The following SPECC1 variants were observed in gnomAD, a reference collection of about 807,000 sequenced individuals.
SPECC1 encodes cytospin-B.
A neutral mutation model predicts 104.1 loss-of-function variants in SPECC1; 62 were observed. That is an observed-to-expected ratio of 0.60 (90% CI 0.49 to 0.74). SPECC1 has a LOEUF of 0.74. Among genes scored for constraint, SPECC1 ranks in the 30% least tolerant of loss-of-function variants. The pLI, the probability that SPECC1 is intolerant of heterozygous loss-of-function variation, is 0.00. For synonymous variants in SPECC1, 513 were observed against 501.6 expected (o/e 1.02, Z -0.30); for missense variants, 1,306 against 1,310.5 (o/e 1.00, Z 0.05).
chr17:20,171,382 C>T (rs1366873355), intron 3 of SPECC1, among the ~76,000 whole-genome samples: 1 of 152,084 alleles, frequency 6.6e-6, no homozygotes. Context: ...CAAGAGATAC[C>T]AGTAATCAGA....
At chr17:20,206,605 C>T (rs892555827) in intron 4 of SPECC1, among the ~76,000 whole-genome samples, 1 of 151,720 alleles carries the variant, frequency 6.6e-6, no homozygotes, top group Non-Finnish European at 1.5e-5. Context: ...TCATATTTAC[C>T]CTGTTGTTGA....
chr17:20,178,182 G>A (rs1046101752), intron 3 of SPECC1, among the ~76,000 whole-genome samples: 1 of 152,078 alleles, frequency 6.6e-6, no homozygotes, highest in Admixed American at 6.5e-5. Flanking sequence ...CACCACTCCC[G>A]ACTCCTCTCT....
At position 20,314,277 on chromosome 17, in the gene SPECC1, G is replaced by A; in HGVS notation, c.*212G>A. The A allele has an allele frequency of 1.0e-5, 6 of 585,180 alleles. No individual in the cohort carries two copies. The highest frequency in any genetic ancestry group is 5.8e-5 in the South Asian group (3 of 51,588). The allele number at this position is 585,180 out of a possible 1,614,324, so 36.2% of individuals were successfully genotyped here. A position where few individuals can be genotyped will look rare whatever the true frequency, so the allele number is the denominator to read the frequency against. ...TGCAAATGCAGCTGGACTGTAAATT[G>A]GGGACTCTTTGATCTCTTGTGGGAT... On this transcript the variant is annotated 3_prime_UTR_variant, in exon 15 of 15. Transcript: ENST00000395527.
intron 1 of SPECC1, among the ~76,000 whole-genome samples, chr17:20,071,063 CA>C (rs1228415720): frequency 6.6e-6 from 1 of 152,050 alleles, no homozygotes; most frequent in African/African-American, 2.4e-5. Flanking sequence ...CTGTGTTGCC[CA>C]GGCTGGAGTT....
At chr17:20,229,962 A>T (rs1389602627) in intron 5 of SPECC1, among the ~76,000 whole-genome samples, 1 of 152,224 alleles carries the variant, frequency 6.6e-6, no homozygotes, top group Non-Finnish European at 1.5e-5. Flanking sequence ...AAAAGGCCAT[A>T]AAGTGTGAGA....
Position 20,260,248 on chromosome 17 carries a change from G to GCAAT in SPECC1, c.2895_2898dup (p.Ala967GlnfsTer18). 1 of 1,613,994 alleles carries GCAAT rather than the reference G, an allele frequency of 6.2e-7. No individual in the cohort carries two copies. Among genetic ancestry groups the GCAAT allele is most frequent in the Non-Finnish European group, 8.5e-7 (1 of 1,179,918 alleles). On this transcript the variant is annotated frameshift_variant, in exon 12 of 15. Transcript: ENST00000395527. LOFTEE classifies it high-confidence loss of function. ...GCCCGGGAATACGGTGGTTCCAAGC[G>GCAAT]CAATGCTCTACTGAAATGGTGCCAG...
chr17:20,268,405 A>G (rs530365992), intron 12 of SPECC1, among the ~76,000 whole-genome samples: 1 of 152,352 alleles, frequency 6.6e-6, no homozygotes, highest in South Asian at 2.1e-4. Context: ...GTTCCCACAA[A>G]CAAGCACTAA....
intron 14 of SPECC1, among the ~76,000 whole-genome samples, 167 bp from the exon 15 acceptor site, chr17:20,313,809 C>T (rs7209889): frequency 0.071 from 10,821 of 152,236 alleles, 553 homozygotes; most frequent in African/African-American, 0.14. Flanking sequence ...GAGGAAAAGT[C>T]CTTTAACTCA....
intron 1 of SPECC1, among the ~76,000 whole-genome samples, chr17:20,040,212 T>C (rs2045269287): frequency 6.6e-6 from 1 of 152,130 alleles, no homozygotes; most frequent in African/African-American, 2.4e-5. Context: ...CGTGTGTGTG[T>C]GTATGTAACT....
At chr17:20,251,436 TG>T (rs1228491407) in intron 9 of SPECC1, among the ~76,000 whole-genome samples, 1 of 152,124 alleles carries the variant, frequency 6.6e-6, no homozygotes, top group Non-Finnish European at 1.5e-5. Flanking sequence ...GGATTGTGAA[TG>T]GGATAGGAAT....
At chr17:20,027,682 G>A (rs2044649482) in intron 1 of SPECC1, among the ~76,000 whole-genome samples, 1 of 151,860 alleles carries the variant, frequency 6.6e-6, no homozygotes, top group South Asian at 2.1e-4. Context: ...TTGAAGGGGT[G>A]TCATTGTCAA....
chr17:20,288,503 T>C (rs994789566), intron 12 of SPECC1, among the ~76,000 whole-genome samples: 2 of 152,164 alleles, frequency 1.3e-5, no homozygotes, highest in Non-Finnish European at 2.9e-5. Flanking sequence ...CACTGATCAT[T>C]AGAGAAATGT....
chr17:20,105,091 C>T (rs1251877444), intron 2 of SPECC1, among the ~76,000 whole-genome samples: 2 of 147,848 alleles, frequency 1.4e-5, no homozygotes. Context: ...ACTGCTTTCT[C>T]TTTTTTTTTT....
chr17:20,251,685 A>G (rs1244443271), intron 9 of SPECC1, among the ~76,000 whole-genome samples: 1 of 151,528 alleles, frequency 6.6e-6, no homozygotes, highest in Admixed American at 6.5e-5. Context: ...ATCAATATCA[A>G]CATGAATATC....
chr17:20,294,861 T>C (rs1202855896), intron 12 of SPECC1, among the ~76,000 whole-genome samples: 1 of 152,156 alleles, frequency 6.6e-6, no homozygotes, highest in Non-Finnish European at 1.5e-5. Flanking sequence ...CTCTACTGTT[T>C]TGAGCACTGA....
intron 4 of SPECC1, among the ~76,000 whole-genome samples, chr17:20,212,008 C>T (rs549665804): frequency 1.3e-5 from 2 of 152,308 alleles, no homozygotes; most frequent in South Asian, 2.1e-4. Flanking sequence ...CTTGTTGCTT[C>T]GAAAGGTCCC....
chr17:20,228,947 A>T (rs1315592199), intron 5 of SPECC1, among the ~76,000 whole-genome samples: 1 of 152,226 alleles, frequency 6.6e-6, no homozygotes. Flanking sequence ...TACCCCATGC[A>T]GTCGATCCTC....
chr17:20,255,025 A>G (rs574916582), intron 10 of SPECC1, among the ~76,000 whole-genome samples: 3 of 152,328 alleles, frequency 2.0e-5, no homozygotes, highest in African/African-American at 7.2e-5. Flanking sequence ...TATAAAGGCT[A>G]CAGCGATTTT....
chr17:20,246,690 A>G (rs1453544418), intron 8 of SPECC1, among the ~76,000 whole-genome samples: 1 of 152,242 alleles, frequency 6.6e-6, no homozygotes, highest in Non-Finnish European at 1.5e-5. Context: ...TACTGTACAC[A>G]TAAACATAGC....
Sources: allele counts gnomAD v4.1 joint callset (sites outside exome capture counted in the v4.1 genomes callset), GRCh38; gene constraint gnomAD v4.1.1; transcripts MANE v1.5; gene names NCBI Gene and HGNC (gene_info 2026-07-23, HGNC 2026-07-21).